The following SPTBN1 variants were observed in gnomAD, a reference collection of about 807,000 sequenced individuals.
The protein encoded by SPTBN1 is spectrin beta chain, non-erythrocytic 1.
SPTBN1 carries 32 observed loss-of-function variants against 266.4 expected under a neutral mutation model. The observed-to-expected ratio is 0.12, with a 90% CI of 0.09 to 0.16. The LOEUF (loss-of-function observed/expected upper bound fraction) is 0.16, where lower values mean the gene tolerates loss of function less well. SPTBN1 is among the 10% of genes least tolerant of loss of function. The pLI is 1.00. For synonymous variants in SPTBN1, 1,336 were observed against 1,162.2 expected, an observed-to-expected ratio of 1.15 and a Z score of -3.04; for missense variants, 2,296 against 3,067.1, an observed-to-expected ratio of 0.75 and a Z score of 5.94.
At chr2:54,568,427 C>T (rs904202986) in intron 2 of SPTBN1, among the ~76,000 whole-genome samples, 16 of 149,042 alleles carry the variant, frequency 1.1e-4, no homozygotes, top group Admixed American at 2.7e-4. Flanking sequence ...CTCCTATGAA[C>T]AGACAAGGAA....
At chr2:54,520,088 A>T (rs1311660013) in intron 1 of SPTBN1, among the ~76,000 whole-genome samples, 1 of 152,178 alleles carries the variant, frequency 6.6e-6, no homozygotes, top group Non-Finnish European at 1.5e-5. Context: ...AGAGAAGTGG[A>T]TGATGTCACC....
Position 54,624,968 on chromosome 2 carries a change from G to A in SPTBN1, c.1341+6G>A, listed in dbSNP as rs773576203. 1 of 1,577,006 alleles carries A rather than the reference G, an allele frequency of 6.3e-7. No homozygotes were observed. Among genetic ancestry groups the A allele is most frequent in the Non-Finnish European group, 8.6e-7 (1 of 1,164,248 alleles). ...ACCAGCGTCTGGTGTCTCAGGTTCTGCTCTTGACATTATTAAAAAGACTGT... is the reference window on the plus strand; with the variant it reads ...ACCAGCGTCTGGTGTCTCAGGTTCTACTCTTGACATTATTAAAAAGACTGT... On this transcript the variant is annotated splice_donor_region_variant and intron_variant, in intron 11 of 35. Transcript: ENST00000356805.
rs887466852 is a variant in SPTBN1, at chr2:54,459,914, A to T, written c.-48+3396A>T. On this transcript the variant is annotated intron_variant, in intron 1 of 35. Coordinates refer to ENST00000356805, the MANE Select transcript of SPTBN1 (RefSeq NM_003128.3). ...TCTGATTTTTCCGGTAGCACTTGTA[A>T]TTATATTTAAATTTTTATTGTGTGG... Among the ~76,000 whole-genome samples the T allele has an allele frequency of 4.6e-5, 7 of 152,290 alleles. No homozygotes were observed. The East Asian group carries it at 1.3e-3, about 29-fold the overall frequency.
intron 1 of SPTBN1, among the ~76,000 whole-genome samples, chr2:54,491,601 C>G (rs1470732047): frequency 2.0e-5 from 3 of 152,020 alleles, no homozygotes; most frequent in Non-Finnish European, 4.4e-5. Flanking sequence ...TAATTTCTCT[C>G]TCTTTTTTTT....
intron 2 of SPTBN1, among the ~76,000 whole-genome samples, chr2:54,579,157 C>T (rs1037322761): frequency 2.0e-5 from 3 of 152,066 alleles, no homozygotes; most frequent in Non-Finnish European, 2.9e-5. Flanking sequence ...AATAAAGCTT[C>T]CTAGGAGTTT....
intron 1 of SPTBN1, among the ~76,000 whole-genome samples, chr2:54,463,371 T>G (rs543575204): frequency 5.3e-4 from 81 of 152,366 alleles, no homozygotes; most frequent in African/African-American, 1.5e-3. Flanking sequence ...TCAGTTTTGC[T>G]TTAAACATGT....
Position 54,671,422 on chromosome 2 carries a change from T to A in SPTBN1, c.*2853T>A, listed in dbSNP as rs892322442. 6.6e-5 allele frequency: 10 copies of A among 152,204 alleles called. No homozygotes were observed. Among genetic ancestry groups the A allele is most frequent in the African/African-American group, 2.2e-4 (9 of 41,452 alleles). The allele number at this position is 152,204 out of a possible 1,614,324, so 9.4% of individuals were successfully genotyped here. A position where few individuals can be genotyped will look rare whatever the true frequency, so the allele number is the denominator to read the frequency against. On this transcript the variant is annotated 3_prime_UTR_variant, in exon 36 of 36. Transcript: ENST00000356805. ...TACATTGTTTTATCAGTCGGAATTC[T>A]TAAATAAAGACATACTTCCCTTCAT...
intron 30 of SPTBN1, 69 bp downstream of exon 30, chr2:54,658,115 A>C: frequency 6.3e-7 from 1 of 1,574,926 alleles, no homozygotes. Context: ...TGCCTCTTAG[A>C]CCAGGGAATT....
intron 2 of SPTBN1, among the ~76,000 whole-genome samples, chr2:54,570,636 C>T (rs1673997605): frequency 6.6e-6 from 1 of 152,042 alleles, no homozygotes; most frequent in Admixed American, 6.5e-5. Flanking sequence ...GTGCATGTTG[C>T]CTGAAACTCT....
In SPTBN1 at chr2:54,618,319, A is replaced by G. The variant is rs1401516489; in HGVS notation, c.763+126A>G. The G allele has an allele frequency of 6.0e-6, 5 of 830,268 alleles. No individual in the cohort carries two copies. The South Asian group carries it at 9.8e-5, about 16-fold the overall frequency. The allele number at this position is 830,268 out of a possible 1,614,324, so 51.4% of individuals were successfully genotyped here. The stretch of plus-strand genomic sequence containing the variant: ...TCAAAGGAAGAGCTTAATTTTGGTT[A>G]TGGGAATTTTTTGAGGATTTATGGA... On this transcript the variant is annotated intron_variant, in intron 7 of 35. Coordinates refer to ENST00000356805, the MANE Select transcript of SPTBN1 (RefSeq NM_003128.3).
chr2:54,523,779 C>CACGCAGGCTGTGGTGAGGAGGCCTGCTG (rs1670629954), intron 1 of SPTBN1, among the ~76,000 whole-genome samples: 1 of 152,182 alleles, frequency 6.6e-6, no homozygotes, highest in Non-Finnish European at 1.5e-5. Flanking sequence ...GTTTGGTTAG[C>CACGCAGGCTGTGGTGAGGAGGCCTGCTG]ACGCAGGCTG....
At chr2:54,658,816 G>T (rs1220183739) in intron 30 of SPTBN1, among the ~76,000 whole-genome samples, 9 of 152,196 alleles carry the variant, frequency 5.9e-5, no homozygotes, top group Admixed American at 5.2e-4. Flanking sequence ...GAGCTCTCCT[G>T]GGGAGTCCAG....
chr2:54,602,258 A>G (rs1233641052), intron 3 of SPTBN1, among the ~76,000 whole-genome samples: 1 of 152,230 alleles, frequency 6.6e-6, no homozygotes, highest in African/African-American at 2.4e-5. Context: ...ATTGGCAGAT[A>G]AAAGTGTGAG....
At chr2:54,562,696 T>TTGTG (rs55947327) in intron 2 of SPTBN1, among the ~76,000 whole-genome samples, 5,874 of 122,540 alleles carry the variant, frequency 0.048, 164 homozygotes, top group Admixed American at 0.093. Context: ...AAACCCTGCT[T>TTGTG]TGTGTGTGTG....
At chr2:54,495,074 C>T (rs1668893376) in intron 1 of SPTBN1, among the ~76,000 whole-genome samples, 1 of 151,940 alleles carries the variant, frequency 6.6e-6, no homozygotes, top group African/African-American at 2.4e-5. Context: ...CAGGTGTGGG[C>T]ACAGAAGGTA....
At position 54,558,494 on chromosome 2, in the gene SPTBN1, C is replaced by T; in HGVS notation, c.148+31928C>T. ...CTGAAGTAGAACCTGCGCCTCCTCTCTGCTTCTCCCTCCTCCTCAGTAATT... is the reference window on the plus strand; with the variant it reads ...CTGAAGTAGAACCTGCGCCTCCTCTTTGCTTCTCCCTCCTCCTCAGTAATT... On this transcript the variant is annotated intron_variant, in intron 2 of 35. Coordinates refer to ENST00000356805, the MANE Select transcript of SPTBN1 (RefSeq NM_003128.3). The surrounding 1 kb of genome is among the most constrained non-coding windows in gnomAD (Gnocchi z 4.6). 8.6e-7 allele frequency: 1 copy of T among 1,166,512 alleles called. No homozygotes were observed. Among genetic ancestry groups the T allele is most frequent in the Non-Finnish European group, 1.1e-6 (1 of 944,116 alleles). The allele number at this position is 1,166,512 out of a possible 1,614,324, so 72.3% of individuals were successfully genotyped here. A position where few individuals can be genotyped will look rare whatever the true frequency, so the allele number is the denominator to read the frequency against.
chr2:54,578,907 C>G (rs951388369), intron 2 of SPTBN1, among the ~76,000 whole-genome samples: 1 of 151,964 alleles, frequency 6.6e-6, no homozygotes, highest in South Asian at 2.1e-4. Flanking sequence ...CCTCTCTGTC[C>G]AGGAGAAATC....
chr2:54,485,459 C>G (rs965682843), intron 1 of SPTBN1, among the ~76,000 whole-genome samples: 1 of 152,240 alleles, frequency 6.6e-6, no homozygotes, highest in African/African-American at 2.4e-5. Flanking sequence ...TCCCAAGGTG[C>G]CGGGATTGCA....
chr2:54,558,703 C>T lies in SPTBN1; in HGVS notation c.148+32137C>T. Reference sequence around the variant, plus strand: ...GAGCCGAGCGCTGCGGAGGCTGCTGCGTGTTGGATGGGAGTGGGAGGGGGC... The same window carrying T: ...GAGCCGAGCGCTGCGGAGGCTGCTGTGTGTTGGATGGGAGTGGGAGGGGGC... On this transcript the variant is annotated intron_variant, in intron 2 of 35. Transcript: ENST00000356805. This position sits in a 1 kb window ranked among gnomAD's most constrained non-coding sequence, Gnocchi z 4.6. 4 of 1,555,076 alleles carry T rather than the reference C, an allele frequency of 2.6e-6. No individual in the cohort carries two copies. Among genetic ancestry groups the T allele is most frequent in the Admixed American group, 1.8e-5 (1 of 54,774 alleles).
Sources: gnomAD v4.1 joint callset for allele counts (sites outside exome capture counted in the v4.1 genomes callset) on GRCh38, gnomAD v4.1.1 for gene constraint, Gnocchi (gnomAD v3.1) non-coding constraint, MANE v1.5 for transcripts, NCBI Gene and HGNC (gene_info 2026-07-23, HGNC 2026-07-21) for gene names.